The following ANK3 variants were observed in gnomAD, a reference collection of about 807,000 sequenced individuals.
ANK3 encodes ankyrin 3.
A neutral mutation model predicts 370.9 loss-of-function variants in ANK3; 57 were observed. That is an observed-to-expected ratio of 0.15 (90% CI 0.12 to 0.19). ANK3 has a LOEUF of 0.19. Ranked by LOEUF, ANK3 falls within the 10% of genes least tolerant of loss-of-function variation. The probability of loss-of-function intolerance (pLI) is 1.00; values close to 1 mark genes in which losing one functional copy is unlikely to be tolerated. For synonymous variants in ANK3, 1,929 were observed against 1,946.3 expected, an observed-to-expected ratio of 0.99 and a Z score of 0.23; for missense variants, 4,439 against 5,302.1, an observed-to-expected ratio of 0.84 and a Z score of 5.06.
chr10:60,501,267 T>C (rs1263686222), intron 2 of ANK3, among the ~76,000 whole-genome samples: 1 of 152,198 alleles, frequency 6.6e-6, no homozygotes, highest in Non-Finnish European at 1.5e-5. Context: ...TGCTGAACAC[T>C]CATTCTGATT....
chr10:60,234,010 G>C (rs947365734), intron 8 of ANK3, among the ~76,000 whole-genome samples: 1 of 152,114 alleles, frequency 6.6e-6, no homozygotes, highest in Non-Finnish European at 1.5e-5. Flanking sequence ...TTGTCCTTTT[G>C]TGACTGGTAT....
chr10:60,254,165 A>G (rs142538807), intron 7 of ANK3, among the ~76,000 whole-genome samples: 88 of 152,270 alleles, frequency 5.8e-4, no homozygotes, highest in African/African-American at 2.0e-3. Context: ...TATAAAAGTC[A>G]TGTAAATAGT....
At chr10:60,651,171 T>C (rs1379685885) in intron 1 of ANK3, among the ~76,000 whole-genome samples, 1 of 152,224 alleles carries the variant, frequency 6.6e-6, no homozygotes, top group Non-Finnish European at 1.5e-5. Context: ...GCACACAATG[T>C]ACCTGTCTAA....
intron 1 of ANK3, among the ~76,000 whole-genome samples, chr10:60,619,142 C>G (rs940604973): frequency 6.6e-6 from 1 of 152,072 alleles, no homozygotes; most frequent in African/African-American, 2.4e-5. Context: ...CCAAACCTCT[C>G]TGTACCGCCA....
At chr10:60,515,969 T>C (rs1290020283) in intron 2 of ANK3, among the ~76,000 whole-genome samples, 1 of 152,118 alleles carries the variant, frequency 6.6e-6, no homozygotes, top group Non-Finnish European at 1.5e-5. Context: ...GTAAGGGAGA[T>C]AGATGACCTC....
chr10:60,204,204 T>C (rs1383240448), intron 11 of ANK3, among the ~76,000 whole-genome samples: 1 of 152,218 alleles, frequency 6.6e-6, no homozygotes, highest in African/African-American at 2.4e-5. Flanking sequence ...AATTTTGTTA[T>C]AGTCTTGGCA....
In ANK3 at chr10:60,073,761, C is replaced by A. The variant is rs1475515532; in HGVS notation, c.7120G>T (p.Asp2374Tyr). The change falls in exon 37 of 44, where the codon GAT becomes TAT. Residue 2374 changes from aspartate (D) to tyrosine (Y), a missense_variant. Coordinates refer to ENST00000280772, the MANE Select transcript of ANK3 (RefSeq NM_020987.5). ...DLSRGDINLK[D>Y]FLPEKHDAFP... ...GCATCGTGTTTTTCTGGCAGAAAAT[C>A]TTTTAGGTTAATATCTCCCCGGGAT... 1.2e-6 allele frequency: 2 copies of A among 1,613,686 alleles called. No individual in the cohort carries two copies. Among genetic ancestry groups the A allele is most frequent in the Non-Finnish European group, 1.7e-6 (2 of 1,180,004 alleles).
intron 1 of ANK3, among the ~76,000 whole-genome samples, chr10:60,339,998 G>A (rs964894994): frequency 3.3e-5 from 5 of 152,194 alleles, no homozygotes; most frequent in African/African-American, 1.2e-4. Context: ...TAGAAGTCAT[G>A]CAATAGGAAG....
At chr10:60,089,405 A>G (rs1013007655) in intron 28 of ANK3, among the ~76,000 whole-genome samples, 2 of 150,670 alleles carry the variant, frequency 1.3e-5, no homozygotes. Flanking sequence ...AGTTTGCCTA[A>G]TTGCTAAGAC....
intron 7 of ANK3, among the ~76,000 whole-genome samples, chr10:60,243,992 A>C (rs150857126): frequency 4.2e-4 from 64 of 152,298 alleles, no homozygotes; most frequent in African/African-American, 1.5e-3. Flanking sequence ...ATATAACATG[A>C]TCTACATGAT....
chr10:60,638,000 C>G (rs1440182040), intron 1 of ANK3, among the ~76,000 whole-genome samples: 3 of 152,128 alleles, frequency 2.0e-5, no homozygotes, highest in Non-Finnish European at 2.9e-5. Context: ...CAGTTTCAAG[C>G]CACAGTGCTG....
At chr10:60,253,666 A>C (rs10821708) in intron 7 of ANK3, among the ~76,000 whole-genome samples, 8 of 152,018 alleles carry the variant, frequency 5.3e-5, no homozygotes. Flanking sequence ...GGCAACAAGA[A>C]TATGTTTAAT....
chr10:60,046,361 T>G (rs936707937), intron 42 of ANK3, among the ~76,000 whole-genome samples: 1 of 152,202 alleles, frequency 6.6e-6, no homozygotes, highest in African/African-American at 2.4e-5. Context: ...CTTTTGGAAA[T>G]GTACACATCT....
chr10:60,480,117 G>A (rs946775505), intron 2 of ANK3, among the ~76,000 whole-genome samples: 1 of 152,184 alleles, frequency 6.6e-6, no homozygotes. Context: ...GTAGAGACAG[G>A]AAGGGTCAGG....
At chr10:60,717,188 T>A (rs1353883189) in intron 1 of ANK3, among the ~76,000 whole-genome samples, 1 of 152,194 alleles carries the variant, frequency 6.6e-6, no homozygotes, top group African/African-American at 2.4e-5. Context: ...TGTGAAAAGT[T>A]TAGAAAGTGA....
In ANK3 at chr10:60,279,291, A is replaced by G. The variant is rs534450098; in HGVS notation, c.217-143T>C. The G allele has an allele frequency of 1.2e-5, 9 of 756,578 alleles. No individual in the cohort carries two copies. The South Asian group carries it at 1.4e-4, about 12-fold the overall frequency. The allele number at this position is 756,578 out of a possible 1,614,324, so 46.9% of individuals were successfully genotyped here. On this transcript the variant is annotated intron_variant, in intron 2 of 43. Coordinates refer to ENST00000280772, the MANE Select transcript of ANK3 (RefSeq NM_020987.5). The stretch of plus-strand genomic sequence containing the variant: ...TGTGCAGGAACTTGAATCTTGAATT[A>G]GGAATCAAAGTACTTCAAAACTGGA...
chr10:60,059,967 C>A lies in ANK3; in HGVS notation c.12596-537G>T, dbSNP rs754398393. 19 of 1,606,016 alleles carry A rather than the reference C, an allele frequency of 1.2e-5. No homozygotes were observed. In the South Asian group the frequency reaches 2.1e-4, roughly 18 times the overall value. On this transcript the variant is annotated intron_variant, in intron 40 of 43. Coordinates refer to ENST00000280772, the MANE Select transcript of ANK3 (RefSeq NM_020987.5). ...AGGGGTAGGTGGTGTGTAGTGCAAC[C>A]CTGTGGGGGTTTCCAGTTCCACTTG...
At chr10:60,213,134 T>C (rs991581636) in intron 9 of ANK3, among the ~76,000 whole-genome samples, 1 of 152,122 alleles carries the variant, frequency 6.6e-6, no homozygotes, top group Admixed American at 6.6e-5. Context: ...CAAGCAATTA[T>C]TTCTGAGCTA....
rs192957738 is a variant in ANK3 at position 60,547,940 on chromosome 10, A to C, written c.96+67246T>G. On this transcript the variant is annotated intron_variant, in intron 2 of 43. Coordinates refer to the ANK3 transcript ENST00000373827. ...AATTTCTAAGAAAAAAAACTACATAAATTTCCTTTCAGTAGAAATTATTAG... is the reference window on the plus strand; with the variant it reads ...AATTTCTAAGAAAAAAAACTACATACATTTCCTTTCAGTAGAAATTATTAG... 9.2e-5 allele frequency among the ~76,000 whole-genome samples: 14 copies of C among 152,240 alleles called. No individual in the cohort carries two copies. The East Asian group carries it at 2.5e-3, about 27-fold the overall frequency.
Sources: gnomAD v4.1 joint callset for allele counts (sites outside exome capture counted in the v4.1 genomes callset) on GRCh38, gnomAD v4.1.1 for gene constraint, MANE v1.5 for transcripts, NCBI Gene and HGNC (gene_info 2026-07-23, HGNC 2026-07-21) for gene names.